Variants in HDAC8 observed in about 807,000 individuals in gnomAD.
HDAC8 encodes the protein histone deacetylase-like 1.
HDAC8 carries 1 observed loss-of-function variant against 32.2 expected under a neutral mutation model. The observed-to-expected ratio is 0.03, with a 90% CI of 0.01 to 0.15. The LOEUF (loss-of-function observed/expected upper bound fraction) is 0.15. HDAC8 is among the 10% of genes least tolerant of loss of function. The probability of loss-of-function intolerance (pLI) is 1.00; values close to 1 mark genes in which losing one functional copy is unlikely to be tolerated. For missense variants in HDAC8, 117 were observed against 300.0 expected (o/e 0.39, Z 4.51); for synonymous variants, 108 against 113.9 (o/e 0.95, Z 0.33).
chrX:72,552,173 A>T (rs2051094615), intron 4 of HDAC8, among the ~76,000 whole-genome samples: 1 of 112,361 alleles, frequency 8.9e-6, no homozygotes, highest in Admixed American at 9.4e-5. Flanking sequence ...TACATATAAA[A>T]ATATAGGGCT....
intron 9 of HDAC8, among the ~76,000 whole-genome samples, chrX:72,389,343 C>T (rs1363233804): frequency 3.7e-5 from 4 of 109,075 alleles, no homozygotes; most frequent in Non-Finnish European, 1.9e-5. Flanking sequence ...TGTTTTGTTT[C>T]TTCCCTCCAT....
intron 7 of HDAC8, among the ~76,000 whole-genome samples, chrX:72,486,293 C>A (rs146669437): frequency 0.013 from 1,453 of 111,133 alleles, 30 homozygotes; most frequent in African/African-American, 0.046. Flanking sequence ...CAGAAGTATT[C>A]AAAGGCATAA....
intron 9 of HDAC8, among the ~76,000 whole-genome samples, chrX:72,407,496 C>A (rs967308125): frequency 1.8e-5 from 2 of 112,019 alleles, no homozygotes; most frequent in Non-Finnish European, 3.8e-5. Context: ...TGAGCCTAAT[C>A]TTTCATGGCC....
chrX:72,547,721 G>C (rs782064259), intron 4 of HDAC8, among the ~76,000 whole-genome samples: 7 of 111,366 alleles, frequency 6.3e-5, no homozygotes, highest in Non-Finnish European at 1.1e-4. Flanking sequence ...TAACCTCTCT[G>C]TACTTCCATG....
intron 9 of HDAC8, among the ~76,000 whole-genome samples, chrX:72,431,959 G>C (rs1316993274): frequency 2.7e-5 from 3 of 111,384 alleles, no homozygotes; most frequent in Non-Finnish European, 5.6e-5. Flanking sequence ...AAGTGGCAGA[G>C]CCTGGAGGAT....
At chrX:72,354,431 C>T (rs1319606453) in intron 9 of HDAC8, among the ~76,000 whole-genome samples, 1 of 112,640 alleles carries the variant, frequency 8.9e-6, no homozygotes, top group Non-Finnish European at 1.9e-5. Context: ...CTGCAGTGTC[C>T]AACTCAAGTC....
At chrX:72,330,107 G>A (rs1214083098) in intron 10 of HDAC8, 31 bp from the exon 11 acceptor site, 1 of 1,156,482 alleles carries the variant, frequency 8.6e-7, no homozygotes, top group Non-Finnish European at 1.2e-6. Flanking sequence ...AAAATTCAAA[G>A]TCAGGTAATG....
intron 7 of HDAC8, among the ~76,000 whole-genome samples, chrX:72,468,274 C>T (rs1357973378): frequency 4.5e-5 from 5 of 111,238 alleles, no homozygotes; most frequent in Admixed American, 2.9e-4. Context: ...GTCAACGTGA[C>T]GAAGTCAACC....
chrX:72,473,106 C>A (rs1032097502), intron 7 of HDAC8, among the ~76,000 whole-genome samples: 2 of 112,232 alleles, frequency 1.8e-5, no homozygotes, highest in Admixed American at 9.4e-5. Context: ...CTTTAATGTC[C>A]CTCCATTGTC....
intron 4 of HDAC8, among the ~76,000 whole-genome samples, chrX:72,505,018 T>A (rs2049343151): frequency 9.0e-6 from 1 of 111,583 alleles, no homozygotes; most frequent in African/African-American, 3.3e-5. Flanking sequence ...TTTGGAGATA[T>A]GTCTATTCAA....
At chrX:72,541,465 ACT>A (rs1556042999) in intron 4 of HDAC8, among the ~76,000 whole-genome samples, 4 of 112,326 alleles carry the variant, frequency 3.6e-5, no homozygotes, top group Non-Finnish European at 7.5e-5. Context: ...TTCGGCTTTT[ACT>A]CTGAGTGGAA....
chrX:72,490,993 T>C lies in HDAC8; in HGVS notation c.564A>G (p.Ala188=), dbSNP rs1306336500. The C allele has an allele frequency of 9.2e-6, 11 of 1,190,900 alleles. No individual in the cohort carries two copies. The highest frequency in any genetic ancestry group is 1.3e-5 in the Non-Finnish European group (11 of 878,260). ...DLHHGDGVED[A]FSFTSKVMTV... ...TCATGACTTTGGAGGTGAAACTGAA[T>C]GCGTCTTCTACACCTAACAGATAAA... The change falls in exon 6 of 11, where the codon GCA becomes GCG. Residue 188 remains alanine (A), a synonymous_variant. Coordinates refer to ENST00000373573, the MANE Select transcript of HDAC8 (RefSeq NM_018486.3).
At chrX:72,483,997 A>G (rs1304610925) in intron 7 of HDAC8, among the ~76,000 whole-genome samples, 2 of 112,022 alleles carry the variant, frequency 1.8e-5, no homozygotes, top group Non-Finnish European at 3.8e-5. Flanking sequence ...AGCAGAACTA[A>G]TGTTCCAGAA....
intron 9 of HDAC8, among the ~76,000 whole-genome samples, chrX:72,414,768 C>T (rs782516021): frequency 9.0e-6 from 1 of 111,587 alleles, no homozygotes; most frequent in East Asian, 2.8e-4. Context: ...GCAGAAGGAG[C>T]CCAGTAGACC....
intron 9 of HDAC8, among the ~76,000 whole-genome samples, chrX:72,409,624 G>A (rs1555969664): frequency 8.9e-6 from 1 of 112,575 alleles, no homozygotes; most frequent in Non-Finnish European, 1.9e-5. Flanking sequence ...TTCCAAGAAT[G>A]CCCTTACTCC....
At chrX:72,490,550 A>C (rs1447202902) in intron 6 of HDAC8, among the ~76,000 whole-genome samples, 14 of 98,179 alleles carry the variant, frequency 1.4e-4, no homozygotes, top group Non-Finnish European at 2.0e-4. Flanking sequence ...GGGAATTGAA[A>C]AATGAGAACA....
At chrX:72,445,737 G>T (rs1327493451) in intron 9 of HDAC8, among the ~76,000 whole-genome samples, 2 of 111,811 alleles carry the variant, frequency 1.8e-5, no homozygotes, top group African/African-American at 3.3e-5. Context: ...TACCATCAGA[G>T]TGAACAGTCA....
intron 9 of HDAC8, among the ~76,000 whole-genome samples, chrX:72,405,752 T>C (rs1555968598): frequency 8.9e-6 from 1 of 112,501 alleles, no homozygotes; most frequent in African/African-American, 3.2e-5. Context: ...TTTTTTCATC[T>C]CTTTGTACCT....
At chrX:72,488,473 A>G (rs1321095536) in intron 7 of HDAC8, among the ~76,000 whole-genome samples, 2 of 111,659 alleles carry the variant, frequency 1.8e-5, no homozygotes, top group African/African-American at 6.5e-5. Context: ...TCTGACTCCA[A>G]TTTTAACACA....
Sources: gnomAD v4.1 joint callset for allele counts (sites outside exome capture counted in the v4.1 genomes callset) on GRCh38, gnomAD v4.1.1 for gene constraint, MANE v1.5 for transcripts, NCBI Gene and HGNC (gene_info 2026-07-23, HGNC 2026-07-21) for gene names.